The following PRKG1 variants were observed in gnomAD, a reference collection of about 807,000 sequenced individuals.
PRKG1 encodes cGMP-dependent protein kinase 1.
A neutral mutation model predicts 88.1 loss-of-function variants in PRKG1; 35 were observed. The ratio of observed to expected loss-of-function variants is 0.40; its 90% CI spans 0.30 to 0.53. The LOEUF is 0.53. PRKG1 is among the 20% of genes least tolerant of loss of function. PRKG1 has a pLI of 0.59. For synonymous variants in PRKG1, 303 were observed against 292.5 expected, an observed-to-expected ratio of 1.04 and a Z score of -0.37; for missense variants, 540 against 839.8, an observed-to-expected ratio of 0.64 and a Z score of 4.41.
intron 1 of PRKG1, among the ~76,000 whole-genome samples, chr10:50,996,004 A>T (rs926583049): frequency 6.6e-5 from 10 of 152,206 alleles, no homozygotes; most frequent in African/African-American, 2.4e-4. Context: ...AGTTTGGCCT[A>T]CTTCTTATAT....
chr10:51,455,876 G>C (rs923292831), intron 2 of PRKG1, among the ~76,000 whole-genome samples: 2 of 152,136 alleles, frequency 1.3e-5, no homozygotes, highest in Admixed American at 6.5e-5. Flanking sequence ...TCTGAGCCCT[G>C]AAAGCTGTTC....
intron 1 of PRKG1, among the ~76,000 whole-genome samples, chr10:51,025,183 A>C (rs1404135960): frequency 6.6e-6 from 1 of 152,162 alleles, no homozygotes; most frequent in Non-Finnish European, 1.5e-5. Context: ...TCACAATAAC[A>C]GCCTCATTTT....
intron 3 of PRKG1, among the ~76,000 whole-genome samples, chr10:51,616,446 G>C (rs1252084890): frequency 6.6e-6 from 1 of 152,188 alleles, no homozygotes; most frequent in African/African-American, 2.4e-5. Flanking sequence ...TGTGTTGACA[G>C]TGGCTGTGGT....
intron 3 of PRKG1, among the ~76,000 whole-genome samples, chr10:51,559,488 A>G (rs1268505409): frequency 1.3e-5 from 2 of 152,100 alleles, no homozygotes; most frequent in Non-Finnish European, 2.9e-5. Context: ...TCTTTGCCTA[A>G]TGACTGTCAC....
chr10:52,006,071 G>T (rs761727279), intron 5 of PRKG1, among the ~76,000 whole-genome samples: 3 of 144,112 alleles, frequency 2.1e-5, no homozygotes, highest in African/African-American at 2.6e-5. Context: ...CATCAAATAA[G>T]ATAAAAGAAA....
At chr10:51,664,583 A>G (rs1415358768) in intron 3 of PRKG1, among the ~76,000 whole-genome samples, 1 of 152,136 alleles carries the variant, frequency 6.6e-6, no homozygotes, top group Non-Finnish European at 1.5e-5. Flanking sequence ...TGCTAGTCCA[A>G]CCCTGTGAGT....
At chr10:51,582,606 C>CTGAGG (rs1838068451) in intron 3 of PRKG1, among the ~76,000 whole-genome samples, 2 of 152,094 alleles carry the variant, frequency 1.3e-5, no homozygotes, top group Non-Finnish European at 2.9e-5. Flanking sequence ...CTTCCAGCTT[C>CTGAGG]ATCCATGTTC....
Position 51,185,779 on chromosome 10 carries a change from G to C in PRKG1, c.478+32449G>C, listed in dbSNP as rs541613013. Reference sequence around the variant, plus strand: ...GCATTTAAGTTATCCAATACTGTTGGACATTTGGTATTTGAGTTATTTCTT... The same window carrying C: ...GCATTTAAGTTATCCAATACTGTTGCACATTTGGTATTTGAGTTATTTCTT... On this transcript the variant is annotated intron_variant, in intron 2 of 17. Coordinates refer to ENST00000373980, the MANE Select transcript of PRKG1 (RefSeq NM_006258.4). Among the ~76,000 whole-genome samples the C allele has an allele frequency of 7.3e-5, 11 of 151,422 alleles. No individual in the cohort carries two copies. The South Asian group carries it at 2.3e-3, about 32-fold the overall frequency.
At chr10:51,645,128 T>C (rs1839885934) in intron 3 of PRKG1, among the ~76,000 whole-genome samples, 1 of 152,186 alleles carries the variant, frequency 6.6e-6, no homozygotes, top group South Asian at 2.1e-4. Flanking sequence ...AGCATCTTGG[T>C]CATTGTTTCT....
rs114785328 is a variant in PRKG1, at chr10:52,253,884, C to T, written c.1173+2218C>T. 2.1e-3 allele frequency among the ~76,000 whole-genome samples: 311 copies of T among 150,428 alleles called. 1 individual carries two copies. Among genetic ancestry groups the T allele is most frequent in the African/African-American group, 6.8e-3 (280 of 41,096 alleles). On this transcript the variant is annotated intron_variant, in intron 10 of 17. Coordinates refer to ENST00000373980, the MANE Select transcript of PRKG1 (RefSeq NM_006258.4). ...CGGAGTGCACGTCCTTAACCTTTTA[C>T]GGCCACATCAGCTTTTGTTGTCTTG...
chr10:51,200,371 T>A (rs1232776254), intron 2 of PRKG1, among the ~76,000 whole-genome samples: 1 of 152,154 alleles, frequency 6.6e-6, no homozygotes, highest in East Asian at 1.9e-4. Flanking sequence ...AGAAAATAGG[T>A]AAATCAATAA....
At chr10:51,391,288 C>A (rs1334528295) in intron 2 of PRKG1, among the ~76,000 whole-genome samples, 1 of 152,136 alleles carries the variant, frequency 6.6e-6, no homozygotes, top group Admixed American at 6.5e-5. Flanking sequence ...TTTAAAACAA[C>A]AAAAGAATTC....
chr10:52,089,126 A>T (rs1356950955), intron 7 of PRKG1, among the ~76,000 whole-genome samples: 1 of 152,198 alleles, frequency 6.6e-6, no homozygotes, highest in Non-Finnish European at 1.5e-5. Context: ...ATATCTGGCC[A>T]TTTAATTAAG....
At chr10:51,533,065 G>T (rs186173407) in intron 3 of PRKG1, among the ~76,000 whole-genome samples, 1 of 152,168 alleles carries the variant, frequency 6.6e-6, no homozygotes, top group East Asian at 1.9e-4. Context: ...CAACCTGTGA[G>T]GCTTTCATGT....
chr10:52,147,702 G>T (rs1310904328), intron 8 of PRKG1, among the ~76,000 whole-genome samples: 1 of 152,182 alleles, frequency 6.6e-6, no homozygotes, highest in Non-Finnish European at 1.5e-5. Flanking sequence ...TAAGGCAGTA[G>T]AAGTAGAAAG....
At chr10:51,698,572 A>G in intron 3 of PRKG1, 3 of 1,613,968 alleles carry the variant, frequency 1.9e-6, no homozygotes, top group Non-Finnish European at 2.5e-6. Flanking sequence ...ACAGTCCTCG[A>G]GGAGGCAGAC....
Position 51,252,899 on chromosome 10 carries a change from A to G in PRKG1, c.478+99569A>G, listed in dbSNP as rs181172727. Among the ~76,000 whole-genome samples the G allele has an allele frequency of 1.5e-4, 23 of 151,988 alleles. No homozygotes were observed. The East Asian group carries it at 3.7e-3, about 24-fold the overall frequency. On this transcript the variant is annotated intron_variant, in intron 2 of 17. Transcript: ENST00000373980. ...CATTGTTGTTTGGATCAGAAGCAAG[A>G]AAAAACAGAGGAGGGGAATGATTTT...
chr10:51,578,175 T>C (rs1837936259), intron 3 of PRKG1, among the ~76,000 whole-genome samples: 1 of 152,084 alleles, frequency 6.6e-6, no homozygotes, highest in African/African-American at 2.4e-5. Flanking sequence ...TAAGTCCTAA[T>C]AGATAAATCT....
intron 4 of PRKG1, among the ~76,000 whole-genome samples, chr10:51,869,554 T>C (rs1442306680): frequency 6.6e-6 from 1 of 152,142 alleles, no homozygotes; most frequent in Non-Finnish European, 1.5e-5. Context: ...AACTCAAAGA[T>C]CTTATCATCT....
Sources: gnomAD v4.1 joint callset for allele counts (sites outside exome capture counted in the v4.1 genomes callset) on GRCh38, gnomAD v4.1.1 for gene constraint, MANE v1.5 for transcripts, NCBI Gene and HGNC (gene_info 2026-07-23, HGNC 2026-07-21) for gene names.